Variants in GYG1 observed in about 807,000 individuals in gnomAD.
GYG1 encodes the protein glycogenin-1.
In GYG1, 44 loss-of-function variants were observed where a neutral mutation model predicts 41.9. That is an observed-to-expected ratio of 1.05 (90% CI 0.83 to 1.35). GYG1 has a LOEUF of 1.35. Ranked by LOEUF, GYG1 falls within the 40% of genes most tolerant of loss-of-function variation. GYG1 has a pLI of 0.00. For missense variants in GYG1, 429 were observed against 418.9 expected (o/e 1.02, Z -0.21); for synonymous variants, 141 against 158.1 (o/e 0.89, Z 0.81).
At position 148,991,593 on chromosome 3, in the gene GYG1, A is replaced by T. The variant is rs1323466174; in HGVS notation, c.-48A>T. ...CTCCCTCCCGGTGCCGGCTTCTCTG[A>T]GTCACCAACCTGAGGCTGCCCCGGC... On this transcript the variant is annotated 5_prime_UTR_variant, in exon 1 of 8. Coordinates refer to ENST00000345003, the MANE Select transcript of GYG1 (RefSeq NM_004130.4). 3 of 1,552,102 alleles carry T rather than the reference A, an allele frequency of 1.9e-6. No homozygotes were observed. The highest frequency in any genetic ancestry group is 1.7e-6 in the Non-Finnish European group (2 of 1,157,296).
At chr3:149,017,585 T>G (rs1348147432) in intron 5 of GYG1, among the ~76,000 whole-genome samples, 2 of 36,142 alleles carry the variant, frequency 5.5e-5, no homozygotes, top group Non-Finnish European at 1.1e-4. Context: ...TATTTAGGTT[T>G]TTTTTTTTTT....
chr3:149,017,257 T>A lies in GYG1; in HGVS notation c.609-6796T>A, dbSNP rs149976617. 5.9e-5 allele frequency among the ~76,000 whole-genome samples: 9 copies of A among 152,372 alleles called. No homozygotes were observed. In the East Asian group the frequency reaches 1.7e-3, roughly 29 times the overall value. On this transcript the variant is annotated intron_variant, in intron 5 of 7. Coordinates refer to ENST00000345003, the MANE Select transcript of GYG1 (RefSeq NM_004130.4). Reference sequence around the variant, plus strand: ...TGTGTTCAAACTATGTCTTGTGATCTGGACGACCCTTTTGAGATTCTATCA... The same window carrying A: ...TGTGTTCAAACTATGTCTTGTGATCAGGACGACCCTTTTGAGATTCTATCA...
At chr3:148,995,520 C>G (rs988587264) in intron 2 of GYG1, among the ~76,000 whole-genome samples, 11 of 152,118 alleles carry the variant, frequency 7.2e-5, no homozygotes, top group Admixed American at 7.2e-4. Flanking sequence ...TGTGTGTGCC[C>G]TAATTTGTAG....
chr3:149,005,180 T>TA, intron 4 of GYG1, among the ~76,000 whole-genome samples: 1 of 148,270 alleles, frequency 6.7e-6, no homozygotes, highest in African/African-American at 2.5e-5. Context: ...TACACATATA[T>TA]TTTTTTTTTG....
In GYG1 at chr3:149,026,481, C is replaced by G; in HGVS notation, c.858C>G (p.Phe286Leu). The change falls in exon 7 of 8, where the codon TTC (phenylalanine) becomes TTG (leucine). Residue 286 changes from phenylalanine to leucine, a missense_variant. Transcript: ENST00000345003. ...CAGACTTGGTCTATACACTGGCTTT[C>G]TCTTGTGGCTTCTGTAGAAAGGTAT... ...VLSDLVYTLA[F>L]SCGFCRKEDV... The G allele has an allele frequency of 6.2e-7, 1 of 1,606,664 alleles. No homozygotes were observed. Among genetic ancestry groups the G allele is most frequent in the Non-Finnish European group, 8.5e-7 (1 of 1,173,212 alleles).
rs1713594219 is a variant in GYG1 at position 149,009,411 on chromosome 3, A to G, written c.608+9A>G. 3 of 1,613,242 alleles carry G rather than the reference A, an allele frequency of 1.9e-6. No individual in the cohort carries two copies. The highest frequency in any genetic ancestry group is 2.5e-6 in the Non-Finnish European group (3 of 1,179,320). On this transcript the variant is annotated intron_variant, in intron 5 of 7. Transcript: ENST00000345003. ...CTCCCGGCATTTAAAGTGTAAGTGC[A>G]GATGGTTTAACTATTGTTGGAGATG...
At chr3:149,023,950 T>C (rs1199297034) in intron 5 of GYG1, 103 bp from the exon 6 acceptor site, 1 of 809,872 alleles carries the variant, frequency 1.2e-6, no homozygotes, top group African/African-American at 1.7e-5. Context: ...TGAGACACTG[T>C]CTCTTAAGAA....
intron 5 of GYG1, among the ~76,000 whole-genome samples, chr3:149,020,396 G>A (rs1714301057): frequency 6.6e-6 from 1 of 152,216 alleles, no homozygotes; most frequent in African/African-American, 2.4e-5. Context: ...TCTTACAATA[G>A]CAGCCTAGTC....
At chr3:149,006,826 T>G (rs1576544419) in intron 4 of GYG1, among the ~76,000 whole-genome samples, 1 of 152,246 alleles carries the variant, frequency 6.6e-6, no homozygotes, top group Non-Finnish European at 1.5e-5. Context: ...CACATTTGGG[T>G]ATCTTTGTAG....
rs1712776364 is a variant in GYG1 at position 148,996,222 on chromosome 3, T to C, written c.144-80T>C. On this transcript the variant is annotated intron_variant, in intron 2 of 7. Transcript: ENST00000345003. ...TTCTAGTAATTGATGGAGAAGGTAATAAAGCATCAGTCTTACAGCAGATGG... is the reference window on the plus strand; with the variant it reads ...TTCTAGTAATTGATGGAGAAGGTAACAAAGCATCAGTCTTACAGCAGATGG... 1.6e-5 allele frequency: 15 copies of C among 959,834 alleles called. No homozygotes were observed. The South Asian group carries it at 1.7e-4, about 11-fold the overall frequency. The allele number at this position is 959,834 out of a possible 1,614,324, so 59.5% of individuals were successfully genotyped here.
chr3:149,023,682 C>T (rs1008582451), intron 5 of GYG1, among the ~76,000 whole-genome samples: 4 of 152,152 alleles, frequency 2.6e-5, no homozygotes, highest in Non-Finnish European at 5.9e-5. Context: ...ACAGTGAACT[C>T]AGTTTGATTT....
At chr3:148,994,084 A>T in intron 1 of GYG1, 58 bp from the exon 2 acceptor site, 1 of 1,509,806 alleles carries the variant, frequency 6.6e-7, no homozygotes, top group Admixed American at 1.7e-5. Context: ...GTTCCTGGGG[A>T]AAAGGCTTTC....
At chr3:149,017,035 GA>G (rs1714089859) in intron 5 of GYG1, among the ~76,000 whole-genome samples, 1 of 152,228 alleles carries the variant, frequency 6.6e-6, no homozygotes, top group South Asian at 2.1e-4. Context: ...AGAGCTTAGT[GA>G]GGACTAAAAT....
rs932285735 is a variant in GYG1 at position 149,028,664 on chromosome 3, C to T, written c.*1731C>T. 5.9e-5 allele frequency among the ~76,000 whole-genome samples: 9 copies of T among 151,288 alleles called. No homozygotes were observed. The highest frequency in any genetic ancestry group is 2.2e-4 in the African/African-American group (9 of 41,112). ...TCATTCTCTATTTTTTACACAGTAG[C>T]ATAACAAAGCTCTAAGGTGGAAAAG... On this transcript the variant is annotated 3_prime_UTR_variant, in exon 8 of 8. Coordinates refer to ENST00000345003, the MANE Select transcript of GYG1 (RefSeq NM_004130.4).
intron 5 of GYG1, among the ~76,000 whole-genome samples, chr3:149,012,637 C>A (rs1280682027): frequency 6.6e-6 from 1 of 151,608 alleles, no homozygotes; most frequent in Non-Finnish European, 1.5e-5. Context: ...TTGGTTAGAA[C>A]AAAAGATAAA....
At chr3:149,008,217 T>C (rs1360378647) in intron 4 of GYG1, 2 of 152,102 alleles carry the variant, frequency 1.3e-5, no homozygotes, top group African/African-American at 4.8e-5. Context: ...TTGCTCTCTT[T>C]TACTTTTTGA....
At chr3:149,011,381 G>T (rs1713712710) in intron 5 of GYG1, among the ~76,000 whole-genome samples, 1 of 152,182 alleles carries the variant, frequency 6.6e-6, no homozygotes, top group Admixed American at 6.5e-5. Flanking sequence ...TAGTTTAATT[G>T]ACTGAATTCA....
chr3:149,005,435 T>C (rs1297625076), intron 4 of GYG1, among the ~76,000 whole-genome samples: 1 of 152,250 alleles, frequency 6.6e-6, no homozygotes, highest in East Asian at 1.9e-4. Context: ...TCACAATGTA[T>C]GTAGCTGTAT....
intron 4 of GYG1, among the ~76,000 whole-genome samples, chr3:149,005,376 A>G (rs754170264): frequency 6.6e-6 from 1 of 152,158 alleles, no homozygotes; most frequent in Non-Finnish European, 1.5e-5. Context: ...TATTTTATTT[A>G]CTTTCTTGTA....
Sources: allele counts gnomAD v4.1 joint callset (sites outside exome capture counted in the v4.1 genomes callset), GRCh38; gene constraint gnomAD v4.1.1; transcripts MANE v1.5; gene names NCBI Gene and HGNC (gene_info 2026-07-23, HGNC 2026-07-21).